The following ZZZ3 variants were observed in gnomAD, a reference collection of about 807,000 sequenced individuals.
The protein encoded by ZZZ3 is ZZ-type zinc finger-containing protein 3.
ZZZ3 carries 22 observed loss-of-function variants against 95.2 expected under a neutral mutation model. The ratio of observed to expected loss-of-function variants is 0.23; its 90% CI spans 0.17 to 0.33. The LOEUF is 0.33. ZZZ3 is among the 10% of genes least tolerant of loss of function. The probability of loss-of-function intolerance (pLI) is 1.00; values close to 1 mark genes in which losing one functional copy is unlikely to be tolerated. For synonymous variants in ZZZ3, 335 were observed against 358.9 expected (o/e 0.93, Z 0.75); for missense variants, 885 against 1,066.5 (o/e 0.83, Z 2.37).
intron 1 of ZZZ3, among the ~76,000 whole-genome samples, chr1:77,670,779 C>T (rs1224513087): frequency 1.3e-5 from 2 of 150,410 alleles, no homozygotes; most frequent in Non-Finnish European, 3.0e-5. Flanking sequence ...AACACCCTGA[C>T]AAACAGCCAG....
intron 1 of ZZZ3, among the ~76,000 whole-genome samples, chr1:77,655,597 CCAAA>C (rs1287840009): frequency 6.6e-6 from 1 of 152,070 alleles, no homozygotes; most frequent in Non-Finnish European, 1.5e-5. Flanking sequence ...TTACAGCTGC[CCAAA>C]CAGACTAAGA....
At chr1:77,676,031 A>C (rs1252644612) in intron 1 of ZZZ3, among the ~76,000 whole-genome samples, 1 of 152,266 alleles carries the variant, frequency 6.6e-6, no homozygotes, top group Admixed American at 6.5e-5. Context: ...TCTTAGAGGT[A>C]TATGATATCA....
chr1:77,565,971 T>A (rs1342217635), intron 14 of ZZZ3, 110 bp downstream of exon 14: 5 of 1,101,424 alleles, frequency 4.5e-6, no homozygotes, highest in Non-Finnish European at 6.4e-6. Context: ...AAAATTTAAT[T>A]CACTAAGTGT....
At chr1:77,673,733 T>C (rs566864964) in intron 1 of ZZZ3, among the ~76,000 whole-genome samples, 4 of 152,354 alleles carry the variant, frequency 2.6e-5, no homozygotes, top group Admixed American at 2.0e-4. Context: ...AATGTTGTAC[T>C]GTTCATAAAT....
intron 12 of ZZZ3, among the ~76,000 whole-genome samples, chr1:77,574,097 T>C (rs1661676639): frequency 6.7e-6 from 1 of 148,728 alleles, no homozygotes; most frequent in Non-Finnish European, 1.5e-5. Flanking sequence ...GTGGGATATA[T>C]ATATATCTAT....
intron 1 of ZZZ3, among the ~76,000 whole-genome samples, chr1:77,660,288 C>G (rs950755546): frequency 2.6e-5 from 4 of 151,860 alleles, no homozygotes; most frequent in African/African-American, 9.7e-5. Flanking sequence ...CAGTGTAATC[C>G]AATACATTCA....
chr1:77,616,032 C>T (rs1011893850), intron 5 of ZZZ3, among the ~76,000 whole-genome samples: 1 of 152,006 alleles, frequency 6.6e-6, no homozygotes, highest in African/African-American at 2.4e-5. Flanking sequence ...AATGTTTATA[C>T]ACATTATACA....
chr1:77,675,811 A>G (rs983452903), intron 1 of ZZZ3, among the ~76,000 whole-genome samples: 1 of 152,230 alleles, frequency 6.6e-6, no homozygotes, highest in Non-Finnish European at 1.5e-5. Context: ...AAATTATTTC[A>G]TAACAGAAAA....
chr1:77,600,739 G>C (rs1664649244), intron 5 of ZZZ3, among the ~76,000 whole-genome samples: 1 of 152,088 alleles, frequency 6.6e-6, no homozygotes, highest in Non-Finnish European at 1.5e-5. Context: ...AACAGCTTTG[G>C]CGTGACTTGG....
At position 77,584,786 on chromosome 1, in the gene ZZZ3, CAT is replaced by C. The variant is rs1474419665; in HGVS notation, c.1506-133_1506-132del. On this transcript the variant is annotated intron_variant, in intron 5 of 14. Coordinates refer to ENST00000370801, the MANE Select transcript of ZZZ3 (RefSeq NM_015534.6). ...AGTTACCTGAAAGAGTTTAGTAAAACATATTACTGGGAATAAATGAGGTCTTC... is the reference window on the plus strand; with the variant it reads ...AGTTACCTGAAAGAGTTTAGTAAAACATTACTGGGAATAAATGAGGTCTTC... 5.2e-6 allele frequency: 3 copies of C among 581,488 alleles called. No individual in the cohort carries two copies. The East Asian group carries it at 9.6e-5, about 19-fold the overall frequency. The allele number at this position is 581,488 out of a possible 1,614,324, so 36.0% of individuals were successfully genotyped here. A position where few individuals can be genotyped will look rare whatever the true frequency, so the allele number is the denominator to read the frequency against.
In ZZZ3 at chr1:77,564,151, CA is replaced by C. The variant is rs1660632904; in HGVS notation, c.*1488del. 6.6e-6 allele frequency: 1 copy of C among 152,056 alleles called. No individual in the cohort carries two copies. The highest frequency in any genetic ancestry group is 2.1e-4 in the South Asian group (1 of 4,834). 9.4% of individuals were successfully genotyped at this position (152,056 alleles called of 1,614,324 possible). On this transcript the variant is annotated 3_prime_UTR_variant, in exon 15 of 15. Coordinates refer to ENST00000370801, the MANE Select transcript of ZZZ3 (RefSeq NM_015534.6). ...TTTTCAAAAGCCATCTGTTTAAATA[CA>C]TGGGGGCTTATCTTCATGAGACACA...
At chr1:77,578,693 G>T in intron 11 of ZZZ3, 81 bp downstream of exon 11, 1 of 807,638 alleles carries the variant, frequency 1.2e-6, no homozygotes, top group Non-Finnish European at 1.8e-6. Flanking sequence ...ACACTATTCT[G>T]TCAAATGTGT....
intron 5 of ZZZ3, among the ~76,000 whole-genome samples, chr1:77,590,282 G>A (rs1418650979): frequency 6.6e-6 from 1 of 152,174 alleles, no homozygotes; most frequent in African/African-American, 2.4e-5. Context: ...GCTGAGGCAG[G>A]AGAACTGCTT....
chr1:77,575,010 C>G (rs1661782017), intron 12 of ZZZ3, among the ~76,000 whole-genome samples: 1 of 152,074 alleles, frequency 6.6e-6, no homozygotes, highest in African/African-American at 2.4e-5. Flanking sequence ...ATAGTGAACC[C>G]CCGCCTCTAC....
chr1:77,677,560 AT>A (rs1310151173), intron 1 of ZZZ3, among the ~76,000 whole-genome samples: 2 of 152,212 alleles, frequency 1.3e-5, no homozygotes, highest in Non-Finnish European at 2.9e-5. Context: ...ATCCCTTTTG[AT>A]TAATATTGTT....
In ZZZ3 at chr1:77,581,905, C is replaced by T. The variant is rs375258664; in HGVS notation, c.1793-14G>A. The T allele has an allele frequency of 1.5e-5, 24 of 1,608,978 alleles. No homozygotes were observed. Among genetic ancestry groups the T allele is most frequent in the Non-Finnish European group, 2.0e-5 (23 of 1,176,010 alleles). On this transcript the variant is annotated splice_polypyrimidine_tract_variant and intron_variant, in intron 7 of 14. Transcript: ENST00000370801. The stretch of plus-strand genomic sequence containing the variant: ...CAGGTAAACCTACTGAAAAATAAGA[C>T]CACATACAGAACTGTTAAAGCAAAA...
rs1311029408 is a variant in ZZZ3 at position 77,581,069 on chromosome 1, T to A, written c.1909A>T (p.Met637Leu). ...GPEGSSSRPQMIRGRLCDDTK... is the reference protein window; with the variant it reads ...GPEGSSSRPQLIRGRLCDDTK... ...TCATCACACAAGCGTCCTCTTATCA[T>A]CTGCACATAAGACAAGGCTTTTGTC... Residue 637 changes from methionine to leucine, a missense_variant and splice_region_variant, in exon 9 of 15, where the codon ATG (methionine) becomes TTG (leucine). Around this residue, in one of 5 missense-constraint regions of ZZZ3, gnomAD observed 99 missense variants for 119.8 expected, o/e 0.83. Coordinates refer to ENST00000370801, the MANE Select transcript of ZZZ3 (RefSeq NM_015534.6). 3.1e-6 allele frequency: 5 copies of A among 1,613,628 alleles called. No individual in the cohort carries two copies. The highest frequency in any genetic ancestry group is 4.2e-6 in the Non-Finnish European group (5 of 1,179,528).
At chr1:77,650,851 T>C (rs1463407334) in intron 1 of ZZZ3, among the ~76,000 whole-genome samples, 2 of 152,058 alleles carry the variant, frequency 1.3e-5, no homozygotes, top group East Asian at 3.9e-4. Context: ...AAATTATCAA[T>C]ATTAAAGAAA....
In ZZZ3 at chr1:77,589,806, C is replaced by T. The variant is rs78837704; in HGVS notation, c.1506-5151G>A. 9.0e-3 allele frequency among the ~76,000 whole-genome samples: 1,370 copies of T among 152,072 alleles called. 22 individuals are homozygous for T. The highest frequency in any genetic ancestry group is 0.032 in the African/African-American group (1,334 of 41,446). On this transcript the variant is annotated intron_variant, in intron 5 of 14. Coordinates refer to ENST00000370801, the MANE Select transcript of ZZZ3 (RefSeq NM_015534.6). ...AATTTCTAGGCAGTAATATTACATA[C>T]ACAATAATCAGGGAGGGATGGAAGG...
Sources: allele counts gnomAD v4.1 joint callset (sites outside exome capture counted in the v4.1 genomes callset), GRCh38; gene constraint gnomAD v4.1.1; regional missense constraint gnomAD v4.1.1; transcripts MANE v1.5; gene names NCBI Gene and HGNC (gene_info 2026-07-23, HGNC 2026-07-21).